LRRIQ3: variants seen among roughly 807,000 people sequenced by gnomAD.
LRRIQ3 encodes leucine rich repeats and IQ motif containing 3.
LRRIQ3 carries 75 observed loss-of-function variants against 59.3 expected under a neutral mutation model. The ratio of observed to expected loss-of-function variants is 1.26; its 90% CI spans 1.05 to 1.53. The LOEUF (loss-of-function observed/expected upper bound fraction) is 1.53. Among genes scored for constraint, LRRIQ3 ranks in the 40% most tolerant of loss-of-function variants. The pLI is 0.00. For missense variants in LRRIQ3, 831 were observed against 710.0 expected, an observed-to-expected ratio of 1.17 and a Z score of -1.94; for synonymous variants, 250 against 231.3, an observed-to-expected ratio of 1.08 and a Z score of -0.73.
At position 74,041,679 on chromosome 1, in the gene LRRIQ3, G is replaced by A. The variant is rs753314061; in HGVS notation, c.1252C>T (p.Arg418Ter). ...FAPQRAGMKL[R>*]TFSDIDKYYT... ...TATTTGTCAATATCACTAAATGTTC[G>A]GAGTTTCATACCAGCTCTTTGTGGT... Residue 418 changes from arginine (R) to a stop codon, truncating the protein, a stop_gained, in exon 7 of 8, where the codon CGA becomes TGA. Transcript: ENST00000354431. LOFTEE classifies it high-confidence loss of function. 50 of 1,613,214 alleles carry A rather than the reference G, an allele frequency of 3.1e-5. No individual in the cohort carries two copies. Among genetic ancestry groups the A allele is most frequent in the South Asian group, 8.8e-5 (8 of 91,004 alleles).
chr1:74,084,520 G>A (rs535967065), intron 5 of LRRIQ3, among the ~76,000 whole-genome samples: 59 of 151,842 alleles, frequency 3.9e-4, no homozygotes, highest in African/African-American at 1.4e-3. Flanking sequence ...TGTGAAACGA[G>A]TGTATGCATT....
intron 5 of LRRIQ3, among the ~76,000 whole-genome samples, chr1:74,108,435 T>G (rs563582619): frequency 6.6e-6 from 1 of 151,972 alleles, no homozygotes; most frequent in African/African-American, 2.4e-5. Flanking sequence ...GTATCCTATG[T>G]TTTTATTCAA....
At chr1:74,100,159 C>T (rs1646509472) in intron 5 of LRRIQ3, among the ~76,000 whole-genome samples, 3 of 152,150 alleles carry the variant, frequency 2.0e-5, no homozygotes, top group South Asian at 4.1e-4. Flanking sequence ...TAGAAAACCC[C>T]ATCGTCTCAG....
chr1:74,130,526 C>G (rs1236782773), intron 4 of LRRIQ3, among the ~76,000 whole-genome samples: 1 of 152,106 alleles, frequency 6.6e-6, no homozygotes, highest in Non-Finnish European at 1.5e-5. Flanking sequence ...CTTTCCTACC[C>G]TCTTGAGTGG....
chr1:74,133,412 T>C (rs942545569), intron 4 of LRRIQ3, among the ~76,000 whole-genome samples: 1 of 151,940 alleles, frequency 6.6e-6, no homozygotes, highest in Non-Finnish European at 1.5e-5. Context: ...CACATGCACA[T>C]GTATGTTTAT....
chr1:74,038,148 C>T (rs1008046937), intron 7 of LRRIQ3, among the ~76,000 whole-genome samples: 2 of 152,174 alleles, frequency 1.3e-5, no homozygotes, highest in Non-Finnish European at 2.9e-5. Context: ...TGGATAGCTT[C>T]GTCCCAAGAG....
chr1:74,179,028 C>T (rs535041373), intron 3 of LRRIQ3, among the ~76,000 whole-genome samples: 1 of 152,196 alleles, frequency 6.6e-6, no homozygotes, highest in South Asian at 2.1e-4. Context: ...TATATCCTAA[C>T]TTTCTGTAAC....
chr1:74,066,969 C>T (rs763945064), intron 6 of LRRIQ3, among the ~76,000 whole-genome samples: 13 of 152,034 alleles, frequency 8.6e-5, no homozygotes, highest in Non-Finnish European at 1.5e-4. Context: ...AATTTATTAA[C>T]CAGTAATAAA....
intron 4 of LRRIQ3, among the ~76,000 whole-genome samples, chr1:74,143,895 C>A (rs947254095): frequency 7.9e-5 from 12 of 151,568 alleles, no homozygotes; most frequent in African/African-American, 2.7e-4. Context: ...ATACTTAAAT[C>A]TTTAAGGTGA....
In LRRIQ3 at chr1:74,168,436, AT is replaced by A. The variant is rs367773647; in HGVS notation, c.574-12571del. 1.3e-3 allele frequency among the ~76,000 whole-genome samples: 192 copies of A among 152,090 alleles called. No individual in the cohort carries two copies. In the South Asian group the frequency reaches 0.02, roughly 16 times the overall value. Reference sequence around the variant, plus strand: ...TTTAACTAATTTTTGTATGATACATATTTTTCCATCATTTTATTTTCAATTT... The same window carrying A: ...TTTAACTAATTTTTGTATGATACATATTTTCCATCATTTTATTTTCAATTT... On this transcript the variant is annotated intron_variant, in intron 3 of 7. Coordinates refer to ENST00000354431, the MANE Select transcript of LRRIQ3 (RefSeq NM_001105659.2).
chr1:74,099,253 T>C (rs1325829739), intron 5 of LRRIQ3, among the ~76,000 whole-genome samples: 6 of 152,068 alleles, frequency 3.9e-5, no homozygotes, highest in Non-Finnish European at 8.8e-5. Context: ...AAATACAAAC[T>C]ACCATCAGAG....
Position 74,052,949 on chromosome 1 carries a change from C to T in LRRIQ3, c.998-11016G>A, listed in dbSNP as rs1421821947. On this transcript the variant is annotated intron_variant, in intron 6 of 7. Coordinates refer to ENST00000354431, the MANE Select transcript of LRRIQ3 (RefSeq NM_001105659.2). ...ATAACATCTTCTTTGAGATACAATT[C>T]ATATGCCAAAGAATGTATCTTTTTA... Among the ~76,000 whole-genome samples, 17 of 152,138 alleles carry T rather than the reference C, an allele frequency of 1.1e-4. No individual in the cohort carries two copies. In the East Asian group the frequency reaches 3.3e-3, roughly 29 times the overall value.
chr1:74,085,323 CAAA>C (rs61216155), intron 5 of LRRIQ3, among the ~76,000 whole-genome samples: 197 of 121,590 alleles, frequency 1.6e-3, no homozygotes, highest in African/African-American at 4.6e-3. Context: ...TACATGGTGG[CAAA>C]AAAAAAAAAA....
intron 6 of LRRIQ3, among the ~76,000 whole-genome samples, chr1:74,073,179 C>T (rs1459588431): frequency 6.6e-6 from 1 of 152,086 alleles, no homozygotes; most frequent in Non-Finnish European, 1.5e-5. Context: ...CCGTTGATAT[C>T]TATGTTCCAG....
chr1:74,051,180 G>C (rs1361712660), intron 6 of LRRIQ3, among the ~76,000 whole-genome samples: 3 of 152,058 alleles, frequency 2.0e-5, no homozygotes, highest in Non-Finnish European at 4.4e-5. Flanking sequence ...TGGGAAAATT[G>C]TAACACATTA....
At chr1:74,037,019 A>G (rs1044932375) in intron 7 of LRRIQ3, among the ~76,000 whole-genome samples, 1 of 152,194 alleles carries the variant, frequency 6.6e-6, no homozygotes, top group Admixed American at 6.5e-5. Context: ...CTTATTCTAA[A>G]TGACTTAAGT....
At chr1:74,110,279 C>T (rs1646677019) in intron 4 of LRRIQ3, among the ~76,000 whole-genome samples, 1 of 151,840 alleles carries the variant, frequency 6.6e-6, no homozygotes, top group African/African-American at 2.4e-5. Flanking sequence ...TCTAATAAGG[C>T]AATAAAAAGA....
chr1:74,075,247 C>T (rs12026975), intron 5 of LRRIQ3, among the ~76,000 whole-genome samples: 46,426 of 151,848 alleles, frequency 0.31, 7,920 homozygotes, highest in Middle Eastern at 0.45. Context: ...AAGGGAGAAA[C>T]GGGACCAGAA....
chr1:74,053,050 G>C (rs1364897509), intron 6 of LRRIQ3, among the ~76,000 whole-genome samples: 2 of 151,714 alleles, frequency 1.3e-5, no homozygotes, highest in Non-Finnish European at 2.9e-5. Flanking sequence ...GAACAAAGTA[G>C]AGAGCCCAGA....
Sources: allele counts gnomAD v4.1 joint callset (sites outside exome capture counted in the v4.1 genomes callset), GRCh38; gene constraint gnomAD v4.1.1; transcripts MANE v1.5; gene names NCBI Gene and HGNC (gene_info 2026-07-23, HGNC 2026-07-21).